Variants in FAF1 observed in about 807,000 individuals in gnomAD.
FAF1 encodes the protein Fas associated factor 1.
FAF1 carries 25 observed loss-of-function variants against 92.5 expected under a neutral mutation model. The observed-to-expected ratio is 0.27, with a 90% CI of 0.20 to 0.38. The LOEUF (loss-of-function observed/expected upper bound fraction) is 0.38, where lower values mean the gene tolerates loss of function less well. Ranked by LOEUF, FAF1 falls within the 10% of genes least tolerant of loss-of-function variation. The pLI is 1.00. For synonymous variants in FAF1, 234 were observed against 273.2 expected, an observed-to-expected ratio of 0.86 and a Z score of 1.42; for missense variants, 636 against 793.3, an observed-to-expected ratio of 0.80 and a Z score of 2.38.
At chr1:50,776,745 C>T (rs769278195) in intron 4 of FAF1, among the ~76,000 whole-genome samples, 27 of 151,816 alleles carry the variant, frequency 1.8e-4, no homozygotes, top group Middle Eastern at 3.4e-3. Context: ...CTGAATTTGC[C>T]CCCTTGGATA....
chr1:50,771,513 C>G (rs13375149), intron 4 of FAF1, among the ~76,000 whole-genome samples: 1 of 152,206 alleles, frequency 6.6e-6, no homozygotes, highest in African/African-American at 2.4e-5. Flanking sequence ...AAAGCATACA[C>G]AAAATGCTTA....
At chr1:50,845,401 CCA>C in intron 2 of FAF1, among the ~76,000 whole-genome samples, 1 of 152,298 alleles carries the variant, frequency 6.6e-6, no homozygotes, top group South Asian at 2.1e-4. Flanking sequence ...GGCCTCCTGT[CCA>C]CCCACTAGGA....
intron 13 of FAF1, among the ~76,000 whole-genome samples, chr1:50,546,979 C>T (rs1372783616): frequency 6.6e-6 from 1 of 152,146 alleles, no homozygotes; most frequent in Non-Finnish European, 1.5e-5. Flanking sequence ...ACCTCCGCCT[C>T]ACGGGCTCCA....
chr1:50,748,793 C>CA (rs1557508097), intron 4 of FAF1, among the ~76,000 whole-genome samples: 1 of 151,938 alleles, frequency 6.6e-6, no homozygotes, highest in East Asian at 1.9e-4. Context: ...ACATGAATAC[C>CA]AAAAAGACTG....
intron 15 of FAF1, among the ~76,000 whole-genome samples, chr1:50,532,989 AT>A (rs976031727): frequency 6.6e-6 from 1 of 151,900 alleles, no homozygotes; most frequent in Non-Finnish European, 1.5e-5. Context: ...TGTTTTTAAA[AT>A]TTTTTTGTAG....
At chr1:50,538,443 A>ACT (rs1030445552) in intron 14 of FAF1, among the ~76,000 whole-genome samples, 2 of 151,852 alleles carry the variant, frequency 1.3e-5, no homozygotes, top group African/African-American at 4.8e-5. Context: ...GAAGAATATG[A>ACT]CTACTATTGC....
chr1:50,903,297 G>C (rs541308015), intron 1 of FAF1, among the ~76,000 whole-genome samples: 1 of 151,956 alleles, frequency 6.6e-6, no homozygotes, highest in Non-Finnish European at 1.5e-5. Context: ...TCTAACCCTC[G>C]AAAGAGTTAC....
chr1:50,582,597 A>C, intron 12 of FAF1, 21 bp downstream of exon 12: 3 of 1,537,506 alleles, frequency 2.0e-6, no homozygotes, highest in Non-Finnish European at 2.7e-6. Context: ...TTTTAATCAG[A>C]AAAGGTCAAA....
intron 7 of FAF1, among the ~76,000 whole-genome samples, chr1:50,703,006 A>T (rs1438669309): frequency 6.6e-6 from 1 of 151,264 alleles, no homozygotes; most frequent in South Asian, 2.1e-4. Flanking sequence ...TTCAAAAATT[A>T]AAAAAAATAT....
rs527905646 is a variant in FAF1 at position 50,769,117 on chromosome 1, T to C, written c.367+18883A>G. On this transcript the variant is annotated intron_variant, in intron 4 of 18. Coordinates refer to ENST00000396153, the MANE Select transcript of FAF1 (RefSeq NM_007051.3). ...ACAGTCAAAAATGACAAAGGGGACA[T>C]TACCACCAAACCCACAGAAATACAA... Among the ~76,000 whole-genome samples the C allele has an allele frequency of 4.6e-5, 7 of 150,616 alleles. No individual in the cohort carries two copies. The South Asian group carries it at 8.4e-4, about 18-fold the overall frequency.
chr1:50,776,458 A>G (rs1660965147), intron 4 of FAF1, among the ~76,000 whole-genome samples: 1 of 152,160 alleles, frequency 6.6e-6, no homozygotes, highest in Non-Finnish European at 1.5e-5. Flanking sequence ...TTAAAGTGTA[A>G]CATTAACATA....
chr1:50,889,439 T>C (rs947537093), intron 1 of FAF1, among the ~76,000 whole-genome samples: 16 of 152,236 alleles, frequency 1.1e-4, no homozygotes, highest in African/African-American at 3.9e-4. Flanking sequence ...CTTATCTAGT[T>C]CTTTTAATTG....
intron 8 of FAF1, among the ~76,000 whole-genome samples, chr1:50,618,254 C>G (rs536888457): frequency 6.6e-6 from 1 of 152,070 alleles, no homozygotes; most frequent in South Asian, 2.1e-4. Context: ...TTAGAGCTTT[C>G]TAACTAATTA....
intron 2 of FAF1, among the ~76,000 whole-genome samples, chr1:50,848,194 T>C (rs1301177011): frequency 6.6e-6 from 1 of 151,926 alleles, no homozygotes; most frequent in East Asian, 1.9e-4. Flanking sequence ...AAATTAACTT[T>C]CCCCCCACAT....
intron 15 of FAF1, among the ~76,000 whole-genome samples, chr1:50,531,603 C>A (rs1648173100): frequency 1.3e-5 from 2 of 152,138 alleles, no homozygotes; most frequent in Non-Finnish European, 2.9e-5. Context: ...GTCCCAAGGA[C>A]CTCATCCAGT....
chr1:50,522,775 C>T (rs1437013136), intron 15 of FAF1, among the ~76,000 whole-genome samples: 2 of 152,058 alleles, frequency 1.3e-5, no homozygotes, highest in African/African-American at 4.8e-5. Flanking sequence ...ATATACATAA[C>T]ATACAATATA....
chr1:50,769,867 A>G (rs149487599), intron 4 of FAF1, among the ~76,000 whole-genome samples: 1,981 of 152,222 alleles, frequency 0.013, 43 homozygotes, highest in African/African-American at 0.044. Context: ...CCTGGCCAAT[A>G]TGGTGAAACC....
At chr1:50,781,361 A>G (rs1338272667) in intron 4 of FAF1, among the ~76,000 whole-genome samples, 1 of 152,236 alleles carries the variant, frequency 6.6e-6, no homozygotes, top group Non-Finnish European at 1.5e-5. Context: ...GGGGTGTCAT[A>G]TTTATATCAA....
chr1:50,613,806 CA>C (rs1050997691), intron 8 of FAF1, among the ~76,000 whole-genome samples: 2 of 151,606 alleles, frequency 1.3e-5, no homozygotes, highest in Non-Finnish European at 2.9e-5. Flanking sequence ...AACAAACAAA[CA>C]AAAAAACCAG....
Sources: gnomAD v4.1 joint callset for allele counts (sites outside exome capture counted in the v4.1 genomes callset) on GRCh38, gnomAD v4.1.1 for gene constraint, MANE v1.5 for transcripts, NCBI Gene and HGNC (gene_info 2026-07-23, HGNC 2026-07-21) for gene names.